Variants in ACP7 observed in about 807,000 individuals in gnomAD.
The protein encoded by ACP7 is acid phosphatase 7, tartrate resistant (putative).
A neutral mutation model predicts 60.6 loss-of-function variants in ACP7; 58 were observed. The ratio of observed to expected loss-of-function variants is 0.96; its 90% CI spans 0.77 to 1.19. The LOEUF (loss-of-function observed/expected upper bound fraction) is 1.19. Among genes scored for constraint, ACP7 ranks in the 50% most tolerant of loss-of-function variants. The pLI is 0.00. For synonymous variants in ACP7, 237 were observed against 232.6 expected (o/e 1.02, Z -0.17); for missense variants, 574 against 596.2 (o/e 0.96, Z 0.39).
At chr19:39,109,977 A>T in intron 12 of ACP7, 76 bp from the exon 13 acceptor site, 1 of 1,437,690 alleles carries the variant, frequency 7.0e-7, no homozygotes. Flanking sequence ...CAGAGAGGGG[A>T]CTGGAACCCA....
chr19:39,102,728 T>C (rs1176766061), intron 11 of ACP7, among the ~76,000 whole-genome samples: 1 of 75,528 alleles, frequency 1.3e-5, no homozygotes, highest in African/African-American at 4.8e-5. Context: ...TCTTTCTTTC[T>C]TTCTTTCTTT....
intron 2 of ACP7, among the ~76,000 whole-genome samples, chr19:39,096,057 C>T (rs1399363547): frequency 2.6e-5 from 4 of 152,178 alleles, no homozygotes; most frequent in Non-Finnish European, 4.4e-5. Flanking sequence ...GAGGGGCTGC[C>T]GCAAAGGTCT....
chr19:39,100,982 A>T lies in ACP7; in HGVS notation c.841A>T (p.Ile281Phe), dbSNP rs771613707. ...TAAGAACCGGGCAGCCCGGCCGTGG[A>T]TCATCACTATGGGGCACCGGCCCAT... ...ANKNRAARPW[I>F]ITMGHRPMYC... The change falls in exon 8 of 13, where the codon ATC becomes TTC. Residue 281 changes from isoleucine to phenylalanine, a missense_variant. Transcript: ENST00000331256. The T allele has an allele frequency of 1.2e-6, 2 of 1,610,580 alleles. No individual in the cohort carries two copies. The highest frequency in any genetic ancestry group is 2.2e-5 in the South Asian group (2 of 90,982).
chr19:39,089,549 C>G (rs2073181747), intron 2 of ACP7, among the ~76,000 whole-genome samples: 1 of 152,122 alleles, frequency 6.6e-6, no homozygotes, highest in African/African-American at 2.4e-5. Context: ...AACTACAGAT[C>G]TCATTTGAAT....
Position 39,110,089 on chromosome 19 carries a change from C to A in ACP7, c.1288C>A (p.Pro430Thr), listed in dbSNP as rs780677939. The change falls in exon 13 of 13, where the codon CCC (proline) becomes ACC (threonine). Residue 430 changes from proline to threonine, a missense_variant. Physicochemically the swap from Pro to Thr is conservative, Grantham distance 38. Coordinates refer to ENST00000331256, the MANE Select transcript of ACP7 (RefSeq NM_001004318.3). Reference sequence around the variant, plus strand: ...CGTAGATGATGTCTGGGTGGTGAGACCCCTGTTTGGCCGGAGGATGTACCT... The same window carrying A: ...CGTAGATGATGTCTGGGTGGTGAGAACCCTGTTTGGCCGGAGGATGTACCT... Reference protein sequence around the residue: ...KIVDDVWVVRPLFGRRMYL With the variant: ...KIVDDVWVVRTLFGRRMYL 5 of 1,613,944 alleles carry A rather than the reference C, an allele frequency of 3.1e-6. No individual in the cohort carries two copies. The South Asian group carries it at 4.4e-5, about 14-fold the overall frequency.
chr19:39,100,830 C>G lies in ACP7; in HGVS notation c.784C>G (p.Arg262Gly). The G allele has an allele frequency of 6.2e-7, 1 of 1,613,878 alleles. No homozygotes were observed. Among genetic ancestry groups the G allele is most frequent in the Non-Finnish European group, 8.5e-7 (1 of 1,179,990 alleles). ...YGRHLVQRQF[R>G]WLESDLQKAN... ...CCGCCACTTGGTACAGAGGCAGTTT[C>G]GCTGGCTGGAGAGCGACCTCCAGGT... The change falls in exon 7 of 13, where the codon CGC becomes GGC. Residue 262 changes from arginine to glycine, a missense_variant. By Grantham distance (125) the Arg-to-Gly change is moderately radical. Transcript: ENST00000331256.
intron 12 of ACP7, among the ~76,000 whole-genome samples, chr19:39,107,943 T>G (rs1209736101): frequency 6.6e-6 from 1 of 151,732 alleles, no homozygotes; most frequent in Non-Finnish European, 1.5e-5. Flanking sequence ...CCCAGCTACT[T>G]GGGAGGCTGA....
chr19:39,099,189 C>A, intron 4 of ACP7, 47 bp downstream of exon 4: 1 of 1,462,054 alleles, frequency 6.8e-7, no homozygotes, highest in Non-Finnish European at 8.9e-7. Context: ...GGGGCGCGCG[C>A]AGGGATGGTG....
Position 39,101,511 on chromosome 19 carries a change from C to A in ACP7, c.1087C>A (p.Pro363Thr). The change falls in exon 11 of 13, where the codon CCT becomes ACT. Residue 363 changes from proline to threonine, a missense_variant. Physicochemically the swap from Pro to Thr is conservative, Grantham distance 38. Transcript: ENST00000331256. ...REMPYTNPRG[P>T]VHIITGSAGC... ...GATGCCCTACACCAACCCGCGAGGG[C>A]CTGTCCACATCATCACAGGATCTGC... 1 of 1,614,102 alleles carries A rather than the reference C, an allele frequency of 6.2e-7. No homozygotes were observed. The highest frequency in any genetic ancestry group is 1.3e-5 in the African/African-American group (1 of 75,058).
chr19:39,090,193 G>C (rs542400028), intron 2 of ACP7, among the ~76,000 whole-genome samples: 1 of 151,820 alleles, frequency 6.6e-6, no homozygotes, highest in Non-Finnish European at 1.5e-5. Context: ...TTTTGAGACG[G>C]AGTCTTGCTC....
chr19:39,092,783 T>C (rs1600255623), intron 2 of ACP7, among the ~76,000 whole-genome samples: 1 of 147,802 alleles, frequency 6.8e-6, no homozygotes, highest in East Asian at 2.0e-4. Flanking sequence ...TTTTTTTTTT[T>C]TTTTTTTTTT....
chr19:39,109,967 C>A, intron 12 of ACP7, 86 bp from the exon 13 acceptor site: 2 of 1,347,618 alleles, frequency 1.5e-6, no homozygotes, highest in South Asian at 1.3e-5. Context: ...CATCAGAGGG[C>A]AGAGAGGGGA....
At chr19:39,093,099 T>TTTC (rs147467281) in intron 2 of ACP7, among the ~76,000 whole-genome samples, 1 of 146,238 alleles carries the variant, frequency 6.8e-6, no homozygotes, top group Non-Finnish European at 1.5e-5. Flanking sequence ...CTTTTCTTTC[T>TTTC]TTTTTTCTTT....
chr19:39,098,423 C>G (rs368348672), intron 2 of ACP7, 35 bp from the exon 3 acceptor site: 1 of 1,188,152 alleles, frequency 8.4e-7, no homozygotes. Flanking sequence ...GCCCAGGCTT[C>G]ACTCCCGGTC....
chr19:39,087,408 G>T (rs1052577950), intron 2 of ACP7, among the ~76,000 whole-genome samples: 3 of 152,148 alleles, frequency 2.0e-5, no homozygotes, highest in African/African-American at 4.8e-5. Context: ...TTTGGATTTT[G>T]CCTGTGAAGA....
intron 2 of ACP7, among the ~76,000 whole-genome samples, chr19:39,094,380 G>A (rs1374939951): frequency 1.3e-5 from 2 of 151,980 alleles, no homozygotes; most frequent in South Asian, 2.1e-4. Context: ...GCACGCACCT[G>A]TAATCCCAGC....
chr19:39,092,707 T>C (rs188013887), intron 2 of ACP7, among the ~76,000 whole-genome samples: 1 of 151,942 alleles, frequency 6.6e-6, no homozygotes, highest in African/African-American at 2.4e-5. Flanking sequence ...GTCAAAATTA[T>C]ACGAAAAGCC....
intron 5 of ACP7, 56 bp downstream of exon 5, chr19:39,100,406 GTTC>G: frequency 1.9e-6 from 3 of 1,607,292 alleles, no homozygotes; most frequent in Non-Finnish European, 2.6e-6. Flanking sequence ...AAATGGTCTC[GTTC>G]TTCTTAGTGT....
At chr19:39,106,022 T>C (rs997287182) in intron 11 of ACP7, among the ~76,000 whole-genome samples, 2 of 152,218 alleles carry the variant, frequency 1.3e-5, no homozygotes, top group Non-Finnish European at 2.9e-5. Flanking sequence ...CATCCTGTTA[T>C]GCCTCAAACT....
Sources: gnomAD v4.1 joint callset for allele counts (sites outside exome capture counted in the v4.1 genomes callset) on GRCh38, gnomAD v4.1.1 for gene constraint, MANE v1.5 for transcripts, NCBI Gene and HGNC (gene_info 2026-07-23, HGNC 2026-07-21) for gene names.